XPO6: variants seen among roughly 807,000 people sequenced by gnomAD.
The protein encoded by XPO6 is exportin-6.
A neutral mutation model predicts 130.0 loss-of-function variants in XPO6; 3 were observed. The ratio of observed to expected loss-of-function variants is 0.02; its 90% CI spans 0.01 to 0.06. The LOEUF (loss-of-function observed/expected upper bound fraction) is 0.06. Among genes scored for constraint, XPO6 ranks in the 10% least tolerant of loss-of-function variants. XPO6 has a pLI of 1.00. For missense variants in XPO6, 970 were observed against 1,393.0 expected (o/e 0.70, Z 4.83); for synonymous variants, 524 against 548.9 (o/e 0.95, Z 0.63).
chr16:28,135,267 T>A lies in XPO6; in HGVS notation c.1392A>T (p.Arg464Ser). ...ACTCCTCCAGCTGGGCTTGGTTGTA[T>A]CTGAACTGGATTCGATTCAACACCT... ...LTEVLNRIQFRYNQAQLEELD... is the reference protein window; with the variant it reads ...LTEVLNRIQFSYNQAQLEELD... The change falls in exon 10 of 24, where the codon AGA becomes AGT. Residue 464 changes from arginine to serine, a missense_variant. By Grantham distance (110) the Arg-to-Ser change is moderately radical. This residue lies in a region of XPO6 where 936 missense variants were observed against 1,306.8 expected (regional missense o/e 0.72). Coordinates refer to ENST00000304658, the MANE Select transcript of XPO6 (RefSeq NM_015171.4). The A allele has an allele frequency of 6.2e-7, 1 of 1,614,066 alleles. No individual in the cohort carries two copies. Among genetic ancestry groups the A allele is most frequent in the Non-Finnish European group, 8.5e-7 (1 of 1,179,966 alleles).
At chr16:28,194,355 C>T (rs1360822901) in intron 1 of XPO6, among the ~76,000 whole-genome samples, 2 of 152,118 alleles carry the variant, frequency 1.3e-5, no homozygotes, top group Non-Finnish European at 2.9e-5. Flanking sequence ...CTGCTGCAAA[C>T]GAAGAATGTA....
intron 1 of XPO6, among the ~76,000 whole-genome samples, chr16:28,181,497 G>A (rs1480982835): frequency 6.8e-6 from 1 of 146,626 alleles, no homozygotes; most frequent in East Asian, 2.1e-4. Flanking sequence ...TCAGGGGTTT[G>A]GGGGGTAACC....
Position 28,102,095 on chromosome 16 carries a change from A to T in XPO6, c.2947-150T>A, listed in dbSNP as rs2086666454. 3.3e-6 allele frequency: 2 copies of T among 609,304 alleles called. 1 individual carries two copies. The highest frequency in any genetic ancestry group is 5.7e-6 in the Non-Finnish European group (2 of 349,330). The allele number at this position is 609,304 out of a possible 1,614,324, so 37.7% of individuals were successfully genotyped here. On this transcript the variant is annotated intron_variant, in intron 21 of 23. Transcript: ENST00000304658. ...CTCAGACCTCTACGACGCTCCTCCT[A>T]AGTCTCAGAGTTCATGTTTTCCCCA...
intron 4 of XPO6, among the ~76,000 whole-genome samples, chr16:28,172,555 G>C (rs1215806650): frequency 6.6e-6 from 1 of 152,124 alleles, no homozygotes; most frequent in Non-Finnish European, 1.5e-5. Flanking sequence ...CGTATATGCA[G>C]GCAGGTGGGA....
At chr16:28,127,830 G>A (rs775013611) in intron 12 of XPO6, among the ~76,000 whole-genome samples, 1 of 152,158 alleles carries the variant, frequency 6.6e-6, no homozygotes, top group Non-Finnish European at 1.5e-5. Context: ...AGACAGAGAG[G>A]GCCAGTGACA....
intron 6 of XPO6, among the ~76,000 whole-genome samples, chr16:28,162,483 T>C (rs866046572): frequency 1.3e-5 from 2 of 152,058 alleles, no homozygotes; most frequent in East Asian, 1.9e-4. Context: ...TACGCACCAA[T>C]GCCCACAGAG....
Position 28,132,534 on chromosome 16 carries a change from C to A in XPO6, c.1537-131G>T. On this transcript the variant is annotated intron_variant, in intron 11 of 23. Coordinates refer to ENST00000304658, the MANE Select transcript of XPO6 (RefSeq NM_015171.4). The surrounding 1 kb of genome is among the most constrained non-coding windows in gnomAD (Gnocchi z 4.0). ...GGATCAAAACCTTTTCTCTGGGAACCTTTAAATGCAGCTAAAAAGCTATGA... is the reference window on the plus strand; with the variant it reads ...GGATCAAAACCTTTTCTCTGGGAACATTTAAATGCAGCTAAAAAGCTATGA... 1.6e-6 allele frequency: 1 copy of A among 606,466 alleles called. No homozygotes were observed. The highest frequency in any genetic ancestry group is 2.8e-6 in the Non-Finnish European group (1 of 359,164). 37.6% of individuals were successfully genotyped at this position (606,466 alleles called of 1,614,324 possible).
At chr16:28,104,751 G>A (rs745570185) in intron 20 of XPO6, 44 bp from the exon 21 acceptor site, 25 of 1,606,198 alleles carry the variant, frequency 1.6e-5, no homozygotes, top group Non-Finnish European at 1.9e-5. Flanking sequence ...TTGCGGAGCT[G>A]CTCCGGCCTG....
chr16:28,154,101 A>C (rs2043141796), intron 7 of XPO6: 1 of 985,200 alleles, frequency 1.0e-6, no homozygotes, highest in African/African-American at 1.7e-5. Flanking sequence ...ATACAAAGAC[A>C]CTTCTCTCTG....
At chr16:28,120,241 C>T (rs759174877) in intron 14 of XPO6, among the ~76,000 whole-genome samples, 2 of 152,062 alleles carry the variant, frequency 1.3e-5, no homozygotes, top group African/African-American at 4.8e-5. Context: ...GAAACAAAAG[C>T]CAATTTGTAA....
chr16:28,209,273 A>C (rs1045542717), intron 1 of XPO6, among the ~76,000 whole-genome samples: 2 of 152,186 alleles, frequency 1.3e-5, no homozygotes, highest in Non-Finnish European at 2.9e-5. Flanking sequence ...ATTTCACTAA[A>C]CTGTACACTT....
At chr16:28,182,059 T>TA (rs1158263363) in intron 1 of XPO6, among the ~76,000 whole-genome samples, 1 of 152,222 alleles carries the variant, frequency 6.6e-6, no homozygotes, top group African/African-American at 2.4e-5. Context: ...TCATCACTGG[T>TA]ATAATTCTAC....
At chr16:28,152,145 G>A (rs570265672) in intron 8 of XPO6, among the ~76,000 whole-genome samples, 2 of 151,976 alleles carry the variant, frequency 1.3e-5, no homozygotes, top group Non-Finnish European at 2.9e-5. Context: ...CTCAATGCAG[G>A]CAAAGACTGC....
At chr16:28,202,040 T>A (rs970162605) in intron 1 of XPO6, among the ~76,000 whole-genome samples, 18 of 152,166 alleles carry the variant, frequency 1.2e-4, no homozygotes, top group African/African-American at 3.9e-4. Flanking sequence ...ATAAGTTTCA[T>A]TTGCAAGAAA....
At chr16:28,187,426 T>G (rs2043713069) in intron 1 of XPO6, among the ~76,000 whole-genome samples, 1 of 152,106 alleles carries the variant, frequency 6.6e-6, no homozygotes. Flanking sequence ...GGCTCTAGGG[T>G]CAGGTTCCCC....
At chr16:28,109,301 CTTTT>C (rs77303555) in intron 17 of XPO6, among the ~76,000 whole-genome samples, 1 of 141,642 alleles carries the variant, frequency 7.1e-6, no homozygotes, top group Non-Finnish European at 1.5e-5. Context: ...TTTTTCTTTT[CTTTT>C]TTTTTTTTTT....
At chr16:28,113,604 C>T (rs923195193) in intron 15 of XPO6, among the ~76,000 whole-genome samples, 8 of 152,100 alleles carry the variant, frequency 5.3e-5, no homozygotes, top group Non-Finnish European at 7.4e-5. Context: ...AAACAGCACA[C>T]CAAAAAGTCA....
At chr16:28,168,378 G>C (rs1328652031) in intron 5 of XPO6, among the ~76,000 whole-genome samples, 1 of 152,082 alleles carries the variant, frequency 6.6e-6, no homozygotes, top group Non-Finnish European at 1.5e-5. Context: ...AGCTTCTGGG[G>C]AGGCTGAGGT....
rs201401550 is a variant in XPO6, at chr16:28,138,098, A to G, written c.1335-2774T>C. Among the ~76,000 whole-genome samples, 13 of 145,732 alleles carry G rather than the reference A, an allele frequency of 8.9e-5. No individual in the cohort carries two copies. In the East Asian group the frequency reaches 2.0e-3, roughly 22 times the overall value. On this transcript the variant is annotated intron_variant, in intron 9 of 23. Coordinates refer to ENST00000304658, the MANE Select transcript of XPO6 (RefSeq NM_015171.4). ...GGCCCAGGAAAGAATGCCGGCAGGGAAAAAGGCACTAATAAAATCTGCAAC... is the reference window on the plus strand; with the variant it reads ...GGCCCAGGAAAGAATGCCGGCAGGGGAAAAGGCACTAATAAAATCTGCAAC...
Sources: allele counts gnomAD v4.1 joint callset (sites outside exome capture counted in the v4.1 genomes callset), GRCh38; gene constraint gnomAD v4.1.1; regional missense constraint gnomAD v4.1.1; non-coding constraint Gnocchi (gnomAD v3.1); transcripts MANE v1.5; gene names NCBI Gene and HGNC (gene_info 2026-07-23, HGNC 2026-07-21).